SLC8A1: variants seen among roughly 807,000 people sequenced by gnomAD.
SLC8A1 encodes sodium/calcium exchanger 1.
Under a neutral mutation model 68.3 loss-of-function variants are expected in SLC8A1, and 18 were observed. The ratio of observed to expected loss-of-function variants is 0.26; its 90% CI spans 0.18 to 0.39. SLC8A1 has a LOEUF of 0.39. Ranked by LOEUF, SLC8A1 falls within the 10% of genes least tolerant of loss-of-function variation. SLC8A1 has a pLI of 1.00. For synonymous variants in SLC8A1, 475 were observed against 415.5 expected, an observed-to-expected ratio of 1.14 and a Z score of -1.74; for missense variants, 985 against 1,156.7, an observed-to-expected ratio of 0.85 and a Z score of 2.15.
intron 2 of SLC8A1, among the ~76,000 whole-genome samples, chr2:40,371,661 A>G (rs1678125576): frequency 6.6e-6 from 1 of 152,136 alleles, no homozygotes; most frequent in Non-Finnish European, 1.5e-5. Flanking sequence ...CTGATTTTGG[A>G]GATAGAACAG....
At chr2:40,388,829 T>A (rs1466995100) in intron 2 of SLC8A1, among the ~76,000 whole-genome samples, 1 of 152,120 alleles carries the variant, frequency 6.6e-6, no homozygotes, top group African/African-American at 2.4e-5. Context: ...AGAATCCAAA[T>A]ACCCAAATAA....
intron 7 of SLC8A1, among the ~76,000 whole-genome samples, chr2:40,128,081 G>A (rs2038523482): frequency 6.6e-6 from 1 of 152,214 alleles, no homozygotes; most frequent in African/African-American, 2.4e-5. Context: ...GTGCCGAGGA[G>A]CAGTGATGGG....
At chr2:40,390,911 T>C (rs1321051410) in intron 2 of SLC8A1, among the ~76,000 whole-genome samples, 1 of 152,084 alleles carries the variant, frequency 6.6e-6, no homozygotes, top group Non-Finnish European at 1.5e-5. Flanking sequence ...AGGTAGCAAA[T>C]TGCCTGAAAG....
intron 1 of SLC8A1, among the ~76,000 whole-genome samples, chr2:40,503,203 T>C (rs1359264312): frequency 6.6e-6 from 1 of 152,030 alleles, no homozygotes; most frequent in Non-Finnish European, 1.5e-5. Context: ...TAGTTTCCCA[T>C]CCATAATTTG....
chr2:40,328,935 C>G (rs1229162601), intron 2 of SLC8A1, among the ~76,000 whole-genome samples: 1 of 152,022 alleles, frequency 6.6e-6, no homozygotes, highest in Non-Finnish European at 1.5e-5. Flanking sequence ...CTTGTCTGCC[C>G]AAGGACTTCC....
chr2:40,383,839 G>T (rs993693847), intron 2 of SLC8A1, among the ~76,000 whole-genome samples: 2 of 152,126 alleles, frequency 1.3e-5, no homozygotes, highest in Non-Finnish European at 2.9e-5. Flanking sequence ...AATAGCATCT[G>T]TAAACATTAT....
chr2:40,184,976 A>C (rs937770750), intron 2 of SLC8A1, among the ~76,000 whole-genome samples: 1 of 152,034 alleles, frequency 6.6e-6, no homozygotes, highest in Admixed American at 6.6e-5. Context: ...TCCACAGAAG[A>C]TAAACAAATG....
chr2:40,496,981 G>A lies in SLC8A1; in HGVS notation c.-25+15368C>T, dbSNP rs539471788. ...GGAGATATACCTAATGCTAGATGACGAGTTAGTGGGTGCAGCGCACCAGCA... is the reference window on the plus strand; with the variant it reads ...GGAGATATACCTAATGCTAGATGACAAGTTAGTGGGTGCAGCGCACCAGCA... On this transcript the variant is annotated intron_variant, in intron 1 of 7. Transcript: ENST00000402441. 3.4e-3 allele frequency among the ~76,000 whole-genome samples: 516 copies of A among 150,550 alleles called. 3 individuals are homozygous for A. Among genetic ancestry groups the A allele is most frequent in the African/African-American group, 0.012 (492 of 41,052 alleles).
rs140460980 is a variant in SLC8A1, at chr2:40,293,112, T to G, written c.1809-115257A>C. Among the ~76,000 whole-genome samples, 604 of 152,312 alleles carry G rather than the reference T, an allele frequency of 4.0e-3. 6 individuals carry two copies. The highest frequency in any genetic ancestry group is 0.014 in the African/African-American group (573 of 41,584). On this transcript the variant is annotated intron_variant, in intron 2 of 7. Transcript: ENST00000406785. ...TGCTGTTTCTTCTTCCTTGGAATGC[T>G]TTTCCTCCACTGTTCATTTGCCTGA...
rs574449880 is a variant in SLC8A1 at position 40,269,115 on chromosome 2, A to G, written c.1809-91260T>C. The stretch of plus-strand genomic sequence containing the variant: ...TGGTGTTAAAAAGTAGTGAGTGTTC[A>G]TAAGGCTTCCAGAACTCAACTCTAT... On this transcript the variant is annotated intron_variant, in intron 2 of 7. Transcript: ENST00000406785. Among the ~76,000 whole-genome samples the G allele has an allele frequency of 2.9e-4, 44 of 152,364 alleles. 1 individual carries two copies. The South Asian group carries it at 5.6e-3, about 19-fold the overall frequency.
Position 40,322,751 on chromosome 2 carries a change from C to T in SLC8A1, c.1808+105722G>A, listed in dbSNP as rs2075353767. On this transcript the variant is annotated intron_variant, in intron 2 of 7. Coordinates refer to ENST00000406785, the Ensembl canonical transcript of SLC8A1. The stretch of plus-strand genomic sequence containing the variant: ...TCTATAAAACCAAGTTTGAACACTA[C>T]CAATTTAATAAGAAATAAGATGATT... Among the ~76,000 whole-genome samples the T allele has an allele frequency of 2.0e-5, 3 of 151,370 alleles. No homozygotes were observed. The South Asian group carries it at 6.3e-4, about 32-fold the overall frequency.
At position 40,174,856 on chromosome 2, in the gene SLC8A1, A is replaced by T. The variant is rs1461571766; in HGVS notation, c.1913-14T>A. 1 of 1,606,194 alleles carries T rather than the reference A, an allele frequency of 6.2e-7. No individual in the cohort carries two copies. Among genetic ancestry groups the T allele is most frequent in the Admixed American group, 1.7e-5 (1 of 59,858 alleles). ...TTGTGAAGCCACCTAAAAAAGAAAA[A>T]AACAACAACAAATGTTATAATTTGA... On this transcript the variant is annotated splice_polypyrimidine_tract_variant and intron_variant, in intron 3 of 7. Transcript: ENST00000406785.
At chr2:40,242,345 A>G (rs2061336497) in intron 2 of SLC8A1, among the ~76,000 whole-genome samples, 2 of 152,188 alleles carry the variant, frequency 1.3e-5, no homozygotes, top group Admixed American at 6.5e-5. Flanking sequence ...ATTTCCTTTC[A>G]TATTTGCAAA....
intron 2 of SLC8A1, among the ~76,000 whole-genome samples, chr2:40,253,296 A>G (rs1574767129): frequency 6.9e-6 from 1 of 144,938 alleles, no homozygotes; most frequent in African/African-American, 2.8e-5. Context: ...ATGTGTATAT[A>G]CACATATATA....
intron 2 of SLC8A1, among the ~76,000 whole-genome samples, chr2:40,381,037 T>A (rs1681592510): frequency 6.6e-6 from 1 of 152,044 alleles, no homozygotes; most frequent in Non-Finnish European, 1.5e-5. Context: ...ATTGGTCAAT[T>A]CCCCAAACCT....
chr2:40,193,939 C>A, intron 2 of SLC8A1, among the ~76,000 whole-genome samples: 1 of 152,094 alleles, frequency 6.6e-6, no homozygotes, highest in East Asian at 1.9e-4. Flanking sequence ...GCTTTAATTA[C>A]TTTTCTGAAA....
intron 2 of SLC8A1, among the ~76,000 whole-genome samples, chr2:40,300,228 A>C (rs1285933484): frequency 2.6e-5 from 4 of 152,170 alleles, no homozygotes; most frequent in African/African-American, 9.7e-5. Context: ...GTATATACTA[A>C]GTATATGTTA....
intron 1 of SLC8A1, among the ~76,000 whole-genome samples, chr2:40,482,966 T>G (rs1033902299): frequency 3.3e-5 from 5 of 150,332 alleles, no homozygotes; most frequent in African/African-American, 1.2e-4. Context: ...TTTTTTTTTT[T>G]TTTTCTTTTT....
chr2:40,427,659 C>A (rs1191262863), intron 2 of SLC8A1, among the ~76,000 whole-genome samples: 1 of 152,122 alleles, frequency 6.6e-6, no homozygotes, highest in Non-Finnish European at 1.5e-5. Flanking sequence ...CTGGGTACTT[C>A]ATATTACTAC....
Sources: gnomAD v4.1 joint callset for allele counts (sites outside exome capture counted in the v4.1 genomes callset) on GRCh38, gnomAD v4.1.1 for gene constraint, MANE v1.5 for transcripts, NCBI Gene and HGNC (gene_info 2026-07-23, HGNC 2026-07-21) for gene names.